The following ANXA13 variants were observed in gnomAD, a reference collection of about 807,000 sequenced individuals.
ANXA13 encodes annexin A13.
A neutral mutation model predicts 46.6 loss-of-function variants in ANXA13; 36 were observed. That is an observed-to-expected ratio of 0.77 (90% confidence interval 0.59 to 1.02). The LOEUF (loss-of-function observed/expected upper bound fraction) is 1.02, where lower values mean the gene tolerates loss of function less well. Ranked by LOEUF, ANXA13 falls within the 50% of genes least tolerant of loss-of-function variation. ANXA13 has a pLI of 0.00. For synonymous variants in ANXA13, 163 were observed against 152.9 expected, an observed-to-expected ratio of 1.07 and a Z score of -0.49; for missense variants, 417 against 396.5, an observed-to-expected ratio of 1.05 and a Z score of -0.44.
chr8:123,720,212 A>AGAGGGCT lies in ANXA13; in HGVS notation c.16-7466_16-7460dup, dbSNP rs1385940636. Among the ~76,000 whole-genome samples the AGAGGGCT allele has an allele frequency of 4.6e-5, 7 of 152,320 alleles. No homozygotes were observed. The East Asian group carries it at 1.3e-3, about 29-fold the overall frequency. On this transcript the variant is annotated intron_variant, in intron 1 of 10. Coordinates refer to ENST00000419625, the MANE Select transcript of ANXA13 (RefSeq NM_004306.4). Reference sequence around the variant, plus strand: ...CGGGAAGAGCCAGGGAGCAGAGGGCAGAGGGCTAACTGTACACTGATCTAC... The same window carrying AGAGGGCT: ...CGGGAAGAGCCAGGGAGCAGAGGGCAGAGGGCTGAGGGCTAACTGTACACTGATCTAC...
rs149463710 is a variant in ANXA13, at chr8:123,728,837, T to C, written c.15+8483A>G. Among the ~76,000 whole-genome samples the C allele has an allele frequency of 5.8e-4, 89 of 152,282 alleles. No homozygotes were observed. The East Asian group carries it at 0.013, about 22-fold the overall frequency. ...TTCTTTTAGTTAATTAATTAATTTTTAGTCTATTATTTCTTTAAAATTATC... is the reference window on the plus strand; with the variant it reads ...TTCTTTTAGTTAATTAATTAATTTTCAGTCTATTATTTCTTTAAAATTATC... On this transcript the variant is annotated intron_variant, in intron 1 of 10. Transcript: ENST00000419625.
intron 2 of ANXA13, among the ~76,000 whole-genome samples, chr8:123,704,009 C>T (rs1813495427): frequency 6.6e-6 from 1 of 152,152 alleles, no homozygotes; most frequent in Non-Finnish European, 1.5e-5. Context: ...TGCCAAGTCT[C>T]AGTTTTCCCA....
intron 1 of ANXA13, among the ~76,000 whole-genome samples, chr8:123,725,668 A>G (rs1162690692): frequency 6.6e-6 from 1 of 152,234 alleles, no homozygotes; most frequent in Non-Finnish European, 1.5e-5. Context: ...ACTACCCAAC[A>G]GAAAAAAATA....
Position 123,681,076 on chromosome 8 carries a change from C to T in ANXA13, c.*164G>A. Reference sequence around the variant, plus strand: ...CTGCCCACGCATCTTAACGTTACTGCCCTTAACTTACACAGCTTGGCCTGG... The same window carrying T: ...CTGCCCACGCATCTTAACGTTACTGTCCTTAACTTACACAGCTTGGCCTGG... On this transcript the variant is annotated 3_prime_UTR_variant, in exon 11 of 11. Coordinates refer to ENST00000419625, the MANE Select transcript of ANXA13 (RefSeq NM_004306.4). 2 of 928,314 alleles carry T rather than the reference C, an allele frequency of 2.2e-6. No homozygotes were observed. Among genetic ancestry groups the T allele is most frequent in the Admixed American group, 5.3e-5 (2 of 37,584 alleles). The allele number at this position is 928,314 out of a possible 1,614,324, so 57.5% of individuals were successfully genotyped here.
chr8:123,728,164 T>C (rs1814038684), intron 1 of ANXA13: 1 of 152,172 alleles, frequency 6.6e-6, no homozygotes, highest in Admixed American at 6.5e-5. Flanking sequence ...GAGTTTCTAG[T>C]AGAGGCAGAA....
intron 1 of ANXA13, among the ~76,000 whole-genome samples, 191 bp from the exon 2 acceptor site, chr8:123,712,944 G>A (rs1433400936): frequency 1.3e-5 from 2 of 152,164 alleles, no homozygotes; most frequent in African/African-American, 4.8e-5. Context: ...TACTCCTTGG[G>A]GCCAGCTGGC....
At chr8:123,703,473 A>G (rs949185166) in intron 2 of ANXA13, among the ~76,000 whole-genome samples, 3 of 152,220 alleles carry the variant, frequency 2.0e-5, no homozygotes, top group Admixed American at 2.0e-4. Flanking sequence ...TGAATTGAAC[A>G]CTTTAAATGG....
intron 1 of ANXA13, among the ~76,000 whole-genome samples, chr8:123,713,761 T>G (rs541128670): frequency 1.3e-5 from 2 of 152,310 alleles, no homozygotes; most frequent in Admixed American, 1.3e-4. Context: ...TGGTGCGATC[T>G]CAGCTCACTA....
intron 2 of ANXA13, among the ~76,000 whole-genome samples, chr8:123,707,354 T>A (rs1047931135): frequency 5.3e-5 from 8 of 152,100 alleles, no homozygotes; most frequent in Non-Finnish European, 8.8e-5. Flanking sequence ...AGTCCACAAC[T>A]GGATAATCAG....
intron 3 of ANXA13, among the ~76,000 whole-genome samples, chr8:123,698,997 G>T (rs999607892): frequency 1.3e-5 from 2 of 152,202 alleles, no homozygotes; most frequent in African/African-American, 4.8e-5. Flanking sequence ...AAATTGGGAT[G>T]CCTTTCAGTG....
intron 2 of ANXA13, among the ~76,000 whole-genome samples, chr8:123,708,324 G>C (rs1471940172): frequency 1.3e-5 from 2 of 152,210 alleles, no homozygotes; most frequent in African/African-American, 4.8e-5. Context: ...TTTCTGGGAA[G>C]ATACCGAGTC....
At chr8:123,698,363 C>T (rs771399518) in intron 4 of ANXA13, 26 bp downstream of exon 4, 2 of 1,610,792 alleles carry the variant, frequency 1.2e-6, no homozygotes, top group East Asian at 4.5e-5. Flanking sequence ...GTGTGATGCT[C>T]CCTTGCGGGC....
chr8:123,735,933 C>A, intron 1 of ANXA13: 1 of 1,517,796 alleles, frequency 6.6e-7, no homozygotes, highest in Non-Finnish European at 8.8e-7. Flanking sequence ...AGGCCAGCTG[C>A]TCCCTAGGTT....
At chr8:123,689,068 C>T (rs1813188748) in intron 8 of ANXA13, 122 bp from the exon 9 acceptor site, 1 of 846,380 alleles carries the variant, frequency 1.2e-6, no homozygotes, top group Non-Finnish European at 1.9e-6. Flanking sequence ...CTTCAGGGAA[C>T]TGCTATCCTG....
chr8:123,688,594 C>T (rs145992493), intron 9 of ANXA13, among the ~76,000 whole-genome samples: 3 of 152,258 alleles, frequency 2.0e-5, no homozygotes, highest in African/African-American at 7.2e-5. Context: ...TTGCACTGCT[C>T]CCCTGGTACA....
chr8:123,688,633 G>C (rs527966959), intron 9 of ANXA13, among the ~76,000 whole-genome samples: 1 of 152,198 alleles, frequency 6.6e-6, no homozygotes, highest in South Asian at 2.1e-4. Flanking sequence ...TTTGATGTGG[G>C]GTGCAAAAGC....
chr8:123,700,935 G>A (rs1387736984), intron 3 of ANXA13, among the ~76,000 whole-genome samples: 1 of 152,002 alleles, frequency 6.6e-6, no homozygotes, highest in African/African-American at 2.4e-5. Flanking sequence ...CAACCCTCCA[G>A]CCTCAGCCTC....
chr8:123,710,343 C>T (rs1586328111), intron 2 of ANXA13, among the ~76,000 whole-genome samples: 1 of 152,056 alleles, frequency 6.6e-6, no homozygotes, highest in East Asian at 1.9e-4. Flanking sequence ...TTAGTGATTG[C>T]CTGGAGGTGA....
intron 8 of ANXA13, among the ~76,000 whole-genome samples, chr8:123,689,248 T>TATATATTATAATATATATAATTA (rs1303620383): frequency 6.8e-6 from 1 of 147,972 alleles, no homozygotes; most frequent in African/African-American, 2.5e-5. Flanking sequence ...TAATATATAA[T>TATATATTATAATATATATAATTA]ATATATTATA....
Sources: gnomAD v4.1 joint callset for allele counts (sites outside exome capture counted in the v4.1 genomes callset) on GRCh38, gnomAD v4.1.1 for gene constraint, MANE v1.5 for transcripts, NCBI Gene and HGNC (gene_info 2026-07-23, HGNC 2026-07-21) for gene names.